ATG4B: variants seen among roughly 807,000 people sequenced by gnomAD.
ATG4B encodes autophagy related 4B cysteine peptidase, also known as cysteine protease ATG4B.
ATG4B carries 29 observed loss-of-function variants against 56.6 expected under a neutral mutation model. The observed-to-expected ratio is 0.51, with a 90% confidence interval of 0.38 to 0.70. The LOEUF (loss-of-function observed/expected upper bound fraction) is 0.70, where lower values mean the gene tolerates loss of function less well. Ranked by LOEUF, ATG4B falls within the 30% of genes least tolerant of loss-of-function variation. The probability of loss-of-function intolerance (pLI) is 0.00; values close to 1 mark genes in which losing one functional copy is unlikely to be tolerated. For synonymous variants in ATG4B, 224 were observed against 206.1 expected, an observed-to-expected ratio of 1.09 and a Z score of -0.74; for missense variants, 461 against 515.5, an observed-to-expected ratio of 0.89 and a Z score of 1.02.
chr2:241,654,496 T>C (rs2125127449), intron 4 of ATG4B, 50 bp from the exon 5 acceptor site: 2 of 1,326,350 alleles, frequency 1.5e-6, no homozygotes, highest in Admixed American at 4.1e-5. Flanking sequence ...AAGTGAAAAC[T>C]TGTTTCTCAT....
At chr2:241,659,659 C>T (rs35263340) in intron 7 of ATG4B, 45,842 of 289,668 alleles carry the variant, frequency 0.16, 4,460 homozygotes, top group East Asian at 0.34. Flanking sequence ...GGCGTGGCAA[C>T]ATTTACATCT....
At chr2:241,652,835 G>A (rs748088346) in intron 3 of ATG4B, among the ~76,000 whole-genome samples, 5 of 152,232 alleles carry the variant, frequency 3.3e-5, no homozygotes, top group Non-Finnish European at 5.9e-5. Context: ...GGCACAGGGC[G>A]AACCTTGTGG....
chr2:241,668,713 G>A lies in ATG4B; in HGVS notation c.957+28G>A, dbSNP rs1184545305. ...ACGTGGCGGCCACCTGAGCACACAG[G>A]CATTTGGTGCTGAATGCTGTTTGGG... is the stretch of plus-strand genomic sequence containing the variant. On this transcript the variant is annotated intron_variant, in intron 10 of 12. Coordinates refer to ENST00000404914, the MANE Select transcript of ATG4B (RefSeq NM_013325.5). The surrounding 1 kb of genome is among the most constrained non-coding windows in gnomAD (Gnocchi z 4.2). 1.9e-6 allele frequency: 3 copies of A among 1,551,344 alleles called. No individual in the cohort carries two copies. The highest frequency in any genetic ancestry group is 1.7e-6 in the Non-Finnish European group (2 of 1,151,846).
At chr2:241,667,526 C>G (rs1251649382) in intron 8 of ATG4B, among the ~76,000 whole-genome samples, 1 of 151,458 alleles carries the variant, frequency 6.6e-6, no homozygotes, top group South Asian at 2.1e-4. Flanking sequence ...ATCTCTTGAA[C>G]CCAGGAGGCG....
In ATG4B at chr2:241,668,760, A is replaced by T; in HGVS notation, c.957+75A>T. On this transcript the variant is annotated intron_variant, in intron 10 of 12. Transcript: ENST00000404914. This position sits in a 1 kb window ranked among gnomAD's most constrained non-coding sequence, Gnocchi z 4.2. The stretch of plus-strand genomic sequence containing the variant: ...TGGGAATGACGAGGAAAACTTTCGG[A>T]TTTTTGCGTTTTTTTTTTCAGCATG... 1.3e-6 allele frequency: 2 copies of T among 1,492,222 alleles called. No individual in the cohort carries two copies. The highest frequency in any genetic ancestry group is 1.8e-6 in the Non-Finnish European group (2 of 1,128,672). The allele number at this position is 1,492,222 out of a possible 1,614,324, so 92.4% of individuals were successfully genotyped here.
At position 241,668,952 on chromosome 2, in the gene ATG4B, C is replaced by T. The variant is rs975975157; in HGVS notation, c.957+267C>T. ...GTCTGGATGTGAGCGTGTGTGGGCG[C>T]GTGCTGAGTGTGCATGGATGAGTGT... is the stretch of plus-strand genomic sequence containing the variant. On this transcript the variant is annotated intron_variant, in intron 10 of 12. Coordinates refer to ENST00000404914, the MANE Select transcript of ATG4B (RefSeq NM_013325.5). This position sits in a 1 kb window ranked among gnomAD's most constrained non-coding sequence, Gnocchi z 4.2. 5.4e-5 allele frequency: 27 copies of T among 502,614 alleles called. No individual in the cohort carries two copies. The highest frequency in any genetic ancestry group is 1.9e-4 in the South Asian group (8 of 42,104). 31.1% of individuals were successfully genotyped at this position (502,614 alleles called of 1,614,324 possible).
chr2:241,662,544 T>C (rs2068621100), intron 7 of ATG4B, among the ~76,000 whole-genome samples: 1 of 152,130 alleles, frequency 6.6e-6, no homozygotes, highest in Non-Finnish European at 1.5e-5. Flanking sequence ...TGTGACGTGG[T>C]AGGTCACACA....
intron 10 of ATG4B, among the ~76,000 whole-genome samples, chr2:241,669,504 TTTTGTTTG>T (rs199951183): frequency 2.6e-5 from 4 of 151,600 alleles, no homozygotes; most frequent in Non-Finnish European, 5.9e-5. Context: ...GGCTCACACT[TTTTGTTTG>T]TTTGTTTGTT....
At chr2:241,670,999 C>T (rs1181564458) in intron 11 of ATG4B, among the ~76,000 whole-genome samples, 1 of 151,926 alleles carries the variant, frequency 6.6e-6, no homozygotes, top group Non-Finnish European at 1.5e-5. Flanking sequence ...ACGGATGTTG[C>T]GTGTTGACTT....
Position 241,673,404 on chromosome 2 carries a change from T to G in ATG4B, c.*1140T>G. The G allele has an allele frequency of 2.7e-6, 1 of 373,606 alleles. No individual in the cohort carries two copies. The highest frequency in any genetic ancestry group is 1.9e-5 in the South Asian group (1 of 52,302). The allele number at this position is 373,606 out of a possible 1,614,324, so 23.1% of individuals were successfully genotyped here. ...ACTAGGAAATGTAAACAGGAGGGCT[T>G]GGGGAGCGTGGGCACTTTTCTCATG... On this transcript the variant is annotated 3_prime_UTR_variant, in exon 13 of 13. Transcript: ENST00000404914.
intron 1 of ATG4B, among the ~76,000 whole-genome samples, chr2:241,642,871 CCTTTTTTTT>C (rs767602889): frequency 0.066 from 6,499 of 98,482 alleles, 956 homozygotes; most frequent in African/African-American, 0.19. Context: ...ACCTCTCCGT[CCTTTTTTTT>C]TTTTTTTTTT....
rs1355056987 is a variant in ATG4B at position 241,673,109 on chromosome 2, C to A, written c.*845C>A. On this transcript the variant is annotated 3_prime_UTR_variant, in exon 13 of 13. Coordinates refer to ENST00000404914, the MANE Select transcript of ATG4B (RefSeq NM_013325.5). ...GTGGACGGCGTGCCTCTCCCAGGAG[C>A]CTTCCCCATGTCCTTGCCTTGCTGA... The A allele has an allele frequency of 1.7e-5, 3 of 179,966 alleles. No homozygotes were observed. Among genetic ancestry groups the A allele is most frequent in the Non-Finnish European group, 3.6e-5 (3 of 83,726 alleles). 11.1% of individuals were successfully genotyped at this position (179,966 alleles called of 1,614,324 possible). A position where few individuals can be genotyped will look rare whatever the true frequency, so the allele number is the denominator to read the frequency against.
rs1207367223 is a variant in ATG4B, at chr2:241,664,008, CCA to C, written c.539-2636_539-2635del. ...GTATTTTAGTGGAGATGGGGTTTCA[CCA>C]TATTTCACCATGTTGGCCAGGATGG... On this transcript the variant is annotated intron_variant, in intron 7 of 12. Transcript: ENST00000404914. Among the ~76,000 whole-genome samples, 3 of 152,126 alleles carry C rather than the reference CCA, an allele frequency of 2.0e-5. No homozygotes were observed. In the East Asian group the frequency reaches 5.8e-4, roughly 29 times the overall value.
intron 5 of ATG4B, chr2:241,655,009 C>T: frequency 1.7e-6 from 1 of 578,816 alleles, no homozygotes; most frequent in Non-Finnish European, 3.1e-6. Flanking sequence ...GCAAGGCCGG[C>T]TTTTGAGCAC....
At chr2:241,664,492 T>A (rs188865490) in intron 7 of ATG4B, among the ~76,000 whole-genome samples, 1 of 152,266 alleles carries the variant, frequency 6.6e-6, no homozygotes, top group African/African-American at 2.4e-5. Context: ...GAGACATGAT[T>A]GCACCACTTC....
At chr2:241,658,625 C>G (rs1469136515) in intron 6 of ATG4B, among the ~76,000 whole-genome samples, 1 of 152,232 alleles carries the variant, frequency 6.6e-6, no homozygotes, top group Non-Finnish European at 1.5e-5. Context: ...TTCCTCCTCA[C>G]TGGCGTGCAC....
At chr2:241,656,414 G>T (rs1040428192) in intron 6 of ATG4B, among the ~76,000 whole-genome samples, 3 of 152,030 alleles carry the variant, frequency 2.0e-5, no homozygotes, top group Admixed American at 6.5e-5. Context: ...GCCCTTCAGA[G>T]TCCTCTGTCC....
At chr2:241,661,436 G>C (rs1240154521) in intron 7 of ATG4B, among the ~76,000 whole-genome samples, 2 of 152,158 alleles carry the variant, frequency 1.3e-5, no homozygotes, top group Non-Finnish European at 2.9e-5. Context: ...GTGGGGGGAG[G>C]GCAGGAAGCA....
At chr2:241,659,003 G>A (rs62190280) in intron 6 of ATG4B, 105 bp from the exon 7 acceptor site, 128,004 of 787,532 alleles carry the variant, frequency 0.16, 12,072 homozygotes, top group East Asian at 0.32. Context: ...CTTCTCATCC[G>A]AGAAGCACCT....
Sources: gnomAD v4.1 joint callset for allele counts (sites outside exome capture counted in the v4.1 genomes callset) on GRCh38, gnomAD v4.1.1 for gene constraint, Gnocchi (gnomAD v3.1) non-coding constraint, MANE v1.5 for transcripts, NCBI Gene and HGNC (gene_info 2026-07-23, HGNC 2026-07-21) for gene names.